The following PRKCE variants were observed in gnomAD, a reference collection of about 807,000 sequenced individuals.
The protein encoded by PRKCE is protein kinase C epsilon type.
Under a neutral mutation model 85.4 loss-of-function variants are expected in PRKCE, and 16 were observed. The observed-to-expected ratio is 0.19, with a 90% confidence interval of 0.13 to 0.28. The LOEUF (loss-of-function observed/expected upper bound fraction) is 0.28, where lower values mean the gene tolerates loss of function less well. Among genes scored for constraint, PRKCE ranks in the 10% least tolerant of loss-of-function variants. PRKCE has a pLI of 1.00. For missense variants in PRKCE, 573 were observed against 975.2 expected, an observed-to-expected ratio of 0.59 and a Z score of 5.49; for synonymous variants, 388 against 371.5, an observed-to-expected ratio of 1.04 and a Z score of -0.51.
At chr2:45,883,213 C>T (rs1028076499) in intron 2 of PRKCE, among the ~76,000 whole-genome samples, 5 of 152,248 alleles carry the variant, frequency 3.3e-5, no homozygotes, top group African/African-American at 1.2e-4. Flanking sequence ...AAACAGATTG[C>T]TCTTGAATAG....
chr2:45,755,876 C>G (rs1683960871), intron 1 of PRKCE, among the ~76,000 whole-genome samples: 1 of 152,158 alleles, frequency 6.6e-6, no homozygotes, highest in African/African-American at 2.4e-5. Flanking sequence ...CCAGAAGAAA[C>G]TTCCTTAAAG....
intron 2 of PRKCE, among the ~76,000 whole-genome samples, chr2:45,945,540 G>C (rs1356077637): frequency 6.6e-6 from 1 of 152,122 alleles, no homozygotes; most frequent in East Asian, 1.9e-4. Flanking sequence ...ATCAGATTTG[G>C]AGAGGACAAA....
intron 1 of PRKCE, among the ~76,000 whole-genome samples, chr2:45,744,933 C>T (rs768222108): frequency 2.2e-4 from 34 of 152,290 alleles, no homozygotes; most frequent in Admixed American, 1.1e-3. Flanking sequence ...TCAATCCTGG[C>T]GATTCTGATT....
At position 46,186,175 on chromosome 2, in the gene PRKCE, T is replaced by A. The variant is rs981419602; in HGVS notation, c.*1294T>A. The A allele has an allele frequency of 1.3e-5, 2 of 152,648 alleles. No homozygotes were observed. Among genetic ancestry groups the A allele is most frequent in the Non-Finnish European group, 2.9e-5 (2 of 68,036 alleles). The allele number at this position is 152,648 out of a possible 1,614,324, so 9.5% of individuals were successfully genotyped here. ...ACCTCCTGTAGATATGCTAACAGTG[T>A]TATTCTTTCATTTCCAAGGGTTCTC... On this transcript the variant is annotated 3_prime_UTR_variant, in exon 15 of 15. Transcript: ENST00000306156.
chr2:45,734,751 G>A (rs1195213315), intron 1 of PRKCE, among the ~76,000 whole-genome samples: 1 of 152,140 alleles, frequency 6.6e-6, no homozygotes, highest in Non-Finnish European at 1.5e-5. Flanking sequence ...ACTGCTGGGA[G>A]TGTGGGCTGC....
chr2:45,680,643 C>G (rs1676815188), intron 1 of PRKCE, among the ~76,000 whole-genome samples: 1 of 152,198 alleles, frequency 6.6e-6, no homozygotes, highest in African/African-American at 2.4e-5. Flanking sequence ...TATATACATA[C>G]ATATATGGCC....
chr2:45,720,884 A>C (rs1680561817), intron 1 of PRKCE, among the ~76,000 whole-genome samples: 1 of 152,090 alleles, frequency 6.6e-6, no homozygotes, highest in Admixed American at 6.6e-5. Flanking sequence ...CGAGGTGGGC[A>C]GATCACAAGG....
intron 2 of PRKCE, among the ~76,000 whole-genome samples, chr2:45,916,186 TTTATG>T (rs1697758794): frequency 2.2e-5 from 2 of 89,054 alleles, no homozygotes; most frequent in South Asian, 9.8e-4. Context: ...ATGTAGTATC[TTTATG>T]ACAGGAGAGA....
chr2:45,837,986 C>G (rs1691031084), intron 1 of PRKCE, among the ~76,000 whole-genome samples: 1 of 152,180 alleles, frequency 6.6e-6, no homozygotes, highest in South Asian at 2.1e-4. Flanking sequence ...CAAAAAAGTC[C>G]CTAACTTTTG....
Position 45,895,291 on chromosome 2 carries a change from G to A in PRKCE, c.412+52228G>A, listed in dbSNP as rs747923865. Among the ~76,000 whole-genome samples, 2 of 152,104 alleles carry A rather than the reference G, an allele frequency of 1.3e-5. No individual in the cohort carries two copies. Among genetic ancestry groups the A allele is most frequent in the East Asian group, 1.9e-4 (1 of 5,190 alleles). On this transcript the variant is annotated intron_variant, in intron 2 of 14. Coordinates refer to ENST00000306156, the MANE Select transcript of PRKCE (RefSeq NM_005400.3). This position sits in a 1 kb window ranked among gnomAD's most constrained non-coding sequence, Gnocchi z 4.8. ...GCCCCTTCAGTACACACACAGCTAC[G>A]GTAACAGTACCTCTCCATCCACAGT...
At chr2:45,980,710 A>C (rs1200539598) in intron 5 of PRKCE, among the ~76,000 whole-genome samples, 3 of 152,146 alleles carry the variant, frequency 2.0e-5, no homozygotes, top group Non-Finnish European at 4.4e-5. Flanking sequence ...CTAGCTCCTC[A>C]CAGGTAATAA....
At chr2:45,734,469 G>A (rs1406805684) in intron 1 of PRKCE, among the ~76,000 whole-genome samples, 3 of 152,208 alleles carry the variant, frequency 2.0e-5, no homozygotes, top group Admixed American at 2.0e-4. Context: ...ACTCATCCAT[G>A]TAAACGGGGG....
chr2:46,178,994 G>A (rs572500707), intron 14 of PRKCE, among the ~76,000 whole-genome samples: 5 of 152,228 alleles, frequency 3.3e-5, no homozygotes, highest in East Asian at 3.9e-4. Context: ...AGGAGACCAC[G>A]TAGAGACAGC....
chr2:45,790,129 C>G (rs111725326), intron 1 of PRKCE, among the ~76,000 whole-genome samples: 9 of 152,174 alleles, frequency 5.9e-5, no homozygotes, highest in Admixed American at 1.3e-4. Flanking sequence ...GTGTAGCCAG[C>G]TCTTCAGTAT....
At chr2:45,941,285 G>A (rs916905277) in intron 2 of PRKCE, among the ~76,000 whole-genome samples, 5 of 152,158 alleles carry the variant, frequency 3.3e-5, no homozygotes, top group African/African-American at 7.2e-5. Flanking sequence ...AGCATGTGGT[G>A]CATGTGCAGT....
At chr2:46,081,611 G>A (rs1038493294) in intron 10 of PRKCE, among the ~76,000 whole-genome samples, 3 of 152,202 alleles carry the variant, frequency 2.0e-5, no homozygotes, top group Admixed American at 2.0e-4. Flanking sequence ...AGATGGTTGT[G>A]CTGAGATCTG....
intron 11 of PRKCE, among the ~76,000 whole-genome samples, chr2:46,097,551 A>G (rs1439946780): frequency 6.7e-6 from 1 of 149,344 alleles, no homozygotes. Flanking sequence ...GTGAAGTCTG[A>G]CTTTGGTGTC....
chr2:45,935,227 A>C (rs543843134), intron 2 of PRKCE, among the ~76,000 whole-genome samples: 1 of 152,178 alleles, frequency 6.6e-6, no homozygotes, highest in Non-Finnish European at 1.5e-5. Flanking sequence ...TTTCAGTTTG[A>C]ATATTGTTAG....
At chr2:46,056,240 C>A (rs1035268085) in intron 10 of PRKCE, among the ~76,000 whole-genome samples, 2 of 144,544 alleles carry the variant, frequency 1.4e-5, no homozygotes, top group East Asian at 3.9e-4. Flanking sequence ...TGTTCTTGAA[C>A]CTTTTTTTTT....
Sources: gnomAD v4.1 joint callset for allele counts (sites outside exome capture counted in the v4.1 genomes callset) on GRCh38, gnomAD v4.1.1 for gene constraint, Gnocchi (gnomAD v3.1) non-coding constraint, MANE v1.5 for transcripts, NCBI Gene and HGNC (gene_info 2026-07-23, HGNC 2026-07-21) for gene names.